RPRD2: variants seen among roughly 807,000 people sequenced by gnomAD.
RPRD2 encodes regulation of nuclear pre-mRNA domain-containing protein 2.
In RPRD2, 12 loss-of-function variants were observed where a neutral mutation model predicts 104.4. The ratio of observed to expected loss-of-function variants is 0.11; its 90% CI spans 0.07 to 0.19. The LOEUF (loss-of-function observed/expected upper bound fraction) is 0.19. Ranked by LOEUF, RPRD2 falls within the 10% of genes least tolerant of loss-of-function variation. RPRD2 has a pLI of 1.00. For synonymous variants in RPRD2, 714 were observed against 684.9 expected (o/e 1.04, Z -0.66); for missense variants, 1,543 against 1,790.1 (o/e 0.86, Z 2.49).
In RPRD2 at chr1:150,471,150, C is replaced by G. The variant is rs1208606141; in HGVS notation, c.2202C>G (p.Thr734=). The change falls in exon 11 of 11, where the codon ACC becomes ACG. Residue 734 remains threonine (T), a synonymous_variant. Coordinates refer to ENST00000369068, the MANE Select transcript of RPRD2 (RefSeq NM_015203.5). This position sits in a 1 kb window ranked among gnomAD's most constrained non-coding sequence, Gnocchi z 5.3. ...PVRDERSGTP[T]QDEMMDKPTS... is the part of the protein sequence containing the mutation. ...GGGATGAACGGAGTGGGACACCCACCCAGGATGAGATGATGGACAAGCCCA... is the reference window on the plus strand; with the variant it reads ...GGGATGAACGGAGTGGGACACCCACGCAGGATGAGATGATGGACAAGCCCA... 2 of 1,613,788 alleles carry G rather than the reference C, an allele frequency of 1.2e-6. No individual in the cohort carries two copies. Among genetic ancestry groups the G allele is most frequent in the African/African-American group, 2.7e-5 (2 of 74,966 alleles).
chr1:150,441,472 GT>G (rs1283097805), intron 3 of RPRD2: 1 of 194,138 alleles, frequency 5.2e-6, no homozygotes, highest in Non-Finnish European at 1.1e-5. Context: ...GTGGTGTACT[GT>G]TTTGTTAAAA....
chr1:150,413,277 G>A (rs893427063), intron 1 of RPRD2, among the ~76,000 whole-genome samples: 2 of 152,150 alleles, frequency 1.3e-5, no homozygotes, highest in Non-Finnish European at 2.9e-5. Flanking sequence ...CTAAAGAGTA[G>A]TAACAGATAG....
chr1:150,369,464 T>C (rs1660113953), intron 1 of RPRD2, among the ~76,000 whole-genome samples: 1 of 108,474 alleles, frequency 9.2e-6, no homozygotes, highest in African/African-American at 4.1e-5. Context: ...TTTTTTTTTT[T>C]TTTTTTTTTT....
intron 7 of RPRD2, among the ~76,000 whole-genome samples, chr1:150,446,757 TAGA>T (rs1260170788): frequency 6.0e-5 from 9 of 150,006 alleles, no homozygotes; most frequent in African/African-American, 2.2e-4. Context: ...TCAAAAAAAA[TAGA>T]AGAAGAAATT....
In RPRD2 at chr1:150,457,599, T is replaced by TAA. The variant is rs781936758; in HGVS notation, c.1153+29_1153+30insAA. The TAA allele has an allele frequency of 1.1e-5, 18 of 1,593,954 alleles. No individual in the cohort carries two copies. The Admixed American group carries it at 2.5e-4, about 22-fold the overall frequency. The stretch of plus-strand genomic sequence containing the variant: ...TGTCTTTATGTGATTAATAGACAAC[T>TAA]TATTCCTTATCTGTTTTGCCTTCTC... On this transcript the variant is annotated intron_variant, in intron 8 of 10. Coordinates refer to ENST00000369068, the MANE Select transcript of RPRD2 (RefSeq NM_015203.5).
At position 150,457,335 on chromosome 1, in the gene RPRD2, G is replaced by A. The variant is rs116180669; in HGVS notation, c.918G>A (p.Leu306=). Residue 306 remains leucine, a synonymous_variant, in exon 8 of 11, where the codon TTG becomes TTA. Transcript: ENST00000369068. ...GAGTAAACAATTTAAAGAAGAAGTT[G>A]GATCAATTGAAGTCAACCCTTCCAG... ...ANRVNNLKKK[L]DQLKSTLPDP... 1.9e-4 allele frequency: 300 copies of A among 1,607,348 alleles called. 2 individuals carry two copies. The African/African-American group carries it at 3.4e-3, about 18-fold the overall frequency.
chr1:150,470,087 G>T (rs138766981), intron 10 of RPRD2, among the ~76,000 whole-genome samples: 50 of 152,058 alleles, frequency 3.3e-4, no homozygotes, highest in Non-Finnish European at 6.2e-4. Flanking sequence ...TAACTTATTA[G>T]AGATAATAAG....
intron 1 of RPRD2, among the ~76,000 whole-genome samples, chr1:150,413,325 G>T (rs1458456315): frequency 6.6e-6 from 1 of 152,168 alleles, no homozygotes; most frequent in Admixed American, 6.5e-5. Flanking sequence ...ATAAGGCCAG[G>T]CGCTGTGGCT....
At chr1:150,398,345 T>C (rs587774383) in intron 1 of RPRD2, among the ~76,000 whole-genome samples, 3,094 of 151,464 alleles carry the variant, frequency 0.02, 130 homozygotes, top group African/African-American at 0.071. Context: ...TACAGGTGCC[T>C]GCCACCACGC....
At chr1:150,391,351 C>A (rs1280566456) in intron 1 of RPRD2, among the ~76,000 whole-genome samples, 1 of 152,082 alleles carries the variant, frequency 6.6e-6, no homozygotes, top group Non-Finnish European at 1.5e-5. Flanking sequence ...ATAAGGGTCT[C>A]ATGTGTTGCC....
Position 150,473,192 on chromosome 1 carries a change from G to A in RPRD2, c.4244G>A (p.Arg1415Gln), listed in dbSNP as rs758905047. The change falls in exon 11 of 11, where the codon CGG (arginine) becomes CAG (glutamine). Residue 1415 changes from arginine to glutamine, a missense_variant. Physicochemically the swap from Arg to Gln is conservative, Grantham distance 43 (BLOSUM62 1). Around this residue, in one of 4 missense-constraint regions of RPRD2, gnomAD observed 880 missense variants for 885.6 expected, o/e 0.99. Coordinates refer to ENST00000369068, the MANE Select transcript of RPRD2 (RefSeq NM_015203.5). The stretch of plus-strand genomic sequence containing the variant: ...ATCAGCCGGAGTGGTATAATCTTAC[G>A]GAGTCCCCGGCCAGACTTTCGGCCT... ...DTISRSGIIL[R>Q]SPRPDFRPRE... 146 of 1,613,842 alleles carry A rather than the reference G, an allele frequency of 9.0e-5. No individual in the cohort carries two copies. The highest frequency in any genetic ancestry group is 1.2e-4 in the Non-Finnish European group (136 of 1,179,874).
chr1:150,460,634 C>T (rs1307964273), intron 9 of RPRD2, among the ~76,000 whole-genome samples: 2 of 151,876 alleles, frequency 1.3e-5, no homozygotes, highest in Non-Finnish European at 2.9e-5. Flanking sequence ...AACTTCTGAC[C>T]TCAGGTGATA....
chr1:150,365,988 C>G (rs1255863195), intron 1 of RPRD2, among the ~76,000 whole-genome samples: 1 of 152,164 alleles, frequency 6.6e-6, no homozygotes, highest in Non-Finnish European at 1.5e-5. Context: ...TATGTAGTAC[C>G]TTTTTCTCCA....
At chr1:150,379,548 A>T (rs1212365883) in intron 1 of RPRD2, among the ~76,000 whole-genome samples, 1 of 151,848 alleles carries the variant, frequency 6.6e-6, no homozygotes, top group Non-Finnish European at 1.5e-5. Context: ...GATTACAGGC[A>T]TGTGCCACCA....
intron 1 of RPRD2, among the ~76,000 whole-genome samples, chr1:150,402,962 C>T: frequency 7.1e-6 from 1 of 141,372 alleles, no homozygotes. Flanking sequence ...GAGCGAAACT[C>T]TGCCTCAAAA....
At chr1:150,405,302 T>C (rs896050917) in intron 1 of RPRD2, among the ~76,000 whole-genome samples, 4 of 152,204 alleles carry the variant, frequency 2.6e-5, no homozygotes, top group Non-Finnish European at 5.9e-5. Flanking sequence ...GCTCTTTCAG[T>C]GTATATTGAA....
chr1:150,395,365 T>TGTGTG (rs1662424080), intron 1 of RPRD2, among the ~76,000 whole-genome samples: 1 of 144,076 alleles, frequency 6.9e-6, no homozygotes, highest in Non-Finnish European at 1.5e-5. Context: ...TAGTATTCCA[T>TGTGTG]TGTGTGTGTG....
intron 7 of RPRD2, among the ~76,000 whole-genome samples, chr1:150,449,794 C>T (rs1258586412): frequency 6.6e-6 from 1 of 152,040 alleles, no homozygotes; most frequent in African/African-American, 2.4e-5. Flanking sequence ...CAAATGGCTT[C>T]GTGTTTTTTA....
chr1:150,406,511 AT>A (rs1663487677), intron 1 of RPRD2, among the ~76,000 whole-genome samples: 1 of 152,062 alleles, frequency 6.6e-6, no homozygotes, highest in Non-Finnish European at 1.5e-5. Context: ...GGTTCAGGTG[AT>A]TCTCCTGCCT....
Sources: gnomAD v4.1 joint callset for allele counts (sites outside exome capture counted in the v4.1 genomes callset) on GRCh38, gnomAD v4.1.1 for gene constraint, gnomAD v4.1.1 regional missense constraint, Gnocchi (gnomAD v3.1) non-coding constraint, MANE v1.5 for transcripts, NCBI Gene and HGNC (gene_info 2026-07-23, HGNC 2026-07-21) for gene names.